Variants in LRTM3 observed in about 807,000 individuals in gnomAD.
The protein encoded by LRTM3 is leucine-rich repeat transmembrane protein 3.
At chr13:102,741,446 C>T in the LRTM3 span, 1 of 1,550,044 alleles carries the variant, frequency 6.5e-7, no homozygotes. Flanking sequence ...AAATTTCTGT[C>T]CTTTAGAACC....
At chr13:102,734,146 T>G in the LRTM3 span, 8,422 of 1,551,466 alleles carry the variant, frequency 5.4e-3, 375 homozygotes, top group African/African-American at 0.096. Context: ...TATGTGACAT[T>G]GGTGAAATCC....
At chr13:102,729,888 G>C in the LRTM3 span, 23 of 1,551,978 alleles carry the variant, frequency 1.5e-5, 1 homozygote, top group South Asian at 2.0e-4. Flanking sequence ...CTTTCTGGGT[G>C]CCTGTGAGAC....
the LRTM3 span, chr13:102,738,597 C>A: frequency 6.5e-7 from 1 of 1,550,202 alleles, no homozygotes; most frequent in East Asian, 2.4e-5. Context: ...AATATAGATT[C>A]TAGGGCCTTT....
the LRTM3 span, chr13:102,749,164 G>A: frequency 6.4e-7 from 1 of 1,550,520 alleles, no homozygotes; most frequent in Admixed American, 2.0e-5. Context: ...TTTTTAAAGT[G>A]TGACATACTG....
chr13:102,742,158 G>T, the LRTM3 span: 1 of 1,550,346 alleles, frequency 6.5e-7, no homozygotes, highest in Non-Finnish European at 8.7e-7. Flanking sequence ...TTTAGAACTC[G>T]ATGTACTGCA....
At chr13:102,731,905 G>A in the LRTM3 span, 94 of 1,549,210 alleles carry the variant, frequency 6.1e-5, no homozygotes, top group African/African-American at 1.2e-3. Flanking sequence ...CTTCCTGCTC[G>A]ATGATACGTA....
the LRTM3 span, chr13:102,737,409 G>GAACTGTT: frequency 5.8e-6 from 9 of 1,550,770 alleles, no homozygotes; most frequent in Non-Finnish European, 7.8e-6. Flanking sequence ...TGTAGGAAGA[G>GAACTGTT]AACTGTTTCC....
the LRTM3 span, chr13:102,740,650 A>G: frequency 1.3e-6 from 2 of 1,548,528 alleles, no homozygotes; most frequent in Non-Finnish European, 1.7e-6. Context: ...GAATATCCAT[A>G]GCATCTAATT....
At chr13:102,753,281 T>A in the LRTM3 span, among the ~76,000 whole-genome samples, 3 of 151,998 alleles carry the variant, frequency 2.0e-5, no homozygotes, top group South Asian at 2.1e-4. Context: ...TGAGAACACA[T>A]GGACACAAGG....
the LRTM3 span, chr13:102,739,421 A>G: frequency 1.9e-6 from 3 of 1,550,268 alleles, no homozygotes; most frequent in African/African-American, 4.1e-5. Context: ...TGATGCCTGG[A>G]GCTTTAGTGG....
At chr13:102,731,539 C>T in the LRTM3 span, 16 of 1,551,322 alleles carry the variant, frequency 1.0e-5, no homozygotes, top group Non-Finnish European at 1.3e-5. Context: ...TATCTGGACC[C>T]TCTGGAAAAG....
the LRTM3 span, chr13:102,748,739 T>C: frequency 5.8e-6 from 9 of 1,549,690 alleles, no homozygotes. Context: ...TTTAAGAGAT[T>C]CTTTACTCTT....
At chr13:102,743,354 G>A in the LRTM3 span, 1 of 1,550,464 alleles carries the variant, frequency 6.4e-7, no homozygotes, top group Admixed American at 2.0e-5. Flanking sequence ...GGAATCTGGA[G>A]TGAAGGAAGT....
chr13:102,758,269 A>T, the LRTM3 span: 1 of 583,606 alleles, frequency 1.7e-6, no homozygotes, highest in Non-Finnish European at 3.0e-6. Flanking sequence ...GCAACAATTT[A>T]AAGTAAATGT....
chr13:102,752,541 A>G, the LRTM3 span, among the ~76,000 whole-genome samples: 1 of 152,194 alleles, frequency 6.6e-6, no homozygotes, highest in Admixed American at 6.5e-5. Flanking sequence ...GGATTTGGTT[A>G]ATTAGAATTT....
chr13:102,734,483 A>G, the LRTM3 span: 6 of 1,551,178 alleles, frequency 3.9e-6, no homozygotes, highest in Middle Eastern at 1.7e-4. Context: ...TTGCCCTCCA[A>G]TGTTCACATG....
the LRTM3 span, chr13:102,742,729 A>C: frequency 2.6e-6 from 4 of 1,550,672 alleles, no homozygotes; most frequent in South Asian, 3.6e-5. Flanking sequence ...TTGACCTGTC[A>C]GCCATTTTAA....
At chr13:102,747,263 A>T in the LRTM3 span, 1 of 1,549,502 alleles carries the variant, frequency 6.5e-7, no homozygotes, top group Non-Finnish European at 8.7e-7. Context: ...CAAAATAGAC[A>T]TGGGAGGGTA....
At chr13:102,740,080 T>C in the LRTM3 span, 2 of 1,549,728 alleles carry the variant, frequency 1.3e-6, no homozygotes, top group Non-Finnish European at 1.7e-6. Flanking sequence ...GAGAATGTAA[T>C]GTTATAGGCA....
Sources: allele counts gnomAD v4.1 joint callset (sites outside exome capture counted in the v4.1 genomes callset), GRCh38; gene constraint gnomAD v4.1.1; transcripts MANE v1.5; gene names NCBI Gene and HGNC (gene_info 2026-07-23, HGNC 2026-07-21).